Variants in TBCE observed in about 807,000 individuals in gnomAD.
The protein encoded by TBCE is tubulin folding cofactor E, also known as tubulin-specific chaperone E.
In TBCE, 53 loss-of-function variants were observed where a neutral mutation model predicts 77.0. The observed-to-expected ratio is 0.69, with a 90% CI of 0.55 to 0.87. The LOEUF (loss-of-function observed/expected upper bound fraction) is 0.87. Among genes scored for constraint, TBCE ranks in the 40% least tolerant of loss-of-function variants. TBCE has a pLI of 0.00. For synonymous variants in TBCE, 235 were observed against 241.3 expected (o/e 0.97, Z 0.24); for missense variants, 624 against 622.4 (o/e 1.00, Z -0.03).
chr1:235,382,928 CTAGGGTTTTTATGGTTT>C (rs1677770335), intron 2 of TBCE, among the ~76,000 whole-genome samples: 1 of 150,526 alleles, frequency 6.6e-6, no homozygotes, highest in African/African-American at 2.4e-5. Flanking sequence ...AGGTTTTCTT[CTAGGGTTTTTATGGTTT>C]TAGGTCTAAC....
rs185011453 is a variant in TBCE at position 235,418,198 on chromosome 1, C to T, written c.372-1275C>T. On this transcript the variant is annotated intron_variant, in intron 4 of 16. Transcript: ENST00000642610. ...TTTTTTTTAAGTTCGCACAATATTG[C>T]ATTGTATATGTGTGCCACGTTTTGT... Among the ~76,000 whole-genome samples the T allele has an allele frequency of 1.1e-3, 169 of 152,276 alleles. 2 individuals are homozygous for T. The highest frequency in any genetic ancestry group is 3.8e-3 in the African/African-American group (156 of 41,552).
In TBCE at chr1:235,418,310, C is replaced by T. The variant is rs141424990; in HGVS notation, c.372-1163C>T. Among the ~76,000 whole-genome samples the T allele has an allele frequency of 3.9e-4, 60 of 152,296 alleles. No homozygotes were observed. In the East Asian group the frequency reaches 0.01, roughly 26 times the overall value. ...TGCTGCTGTGAACTTGTGCATATAC[C>T]GTGGCCTTTTAGAGATGTGAAGTCT... On this transcript the variant is annotated intron_variant, in intron 4 of 16. Coordinates refer to ENST00000642610, the MANE Select transcript of TBCE (RefSeq NM_003193.5).
At chr1:235,396,954 G>GTTTC (rs1553333556) in intron 2 of TBCE, among the ~76,000 whole-genome samples, 1 of 148,350 alleles carries the variant, frequency 6.7e-6, no homozygotes, top group Non-Finnish European at 1.5e-5. Context: ...TTTGTTGATT[G>GTTTC]TTTATTTATT....
intron 15 of TBCE, among the ~76,000 whole-genome samples, chr1:235,447,937 C>T (rs1041858201): frequency 3.3e-5 from 5 of 152,082 alleles, no homozygotes; most frequent in African/African-American, 4.8e-5. Flanking sequence ...TACAGCCAGG[C>T]GCTGGGCTCA....
At position 235,450,073 on chromosome 1, in the gene TBCE, TG is replaced by T; in HGVS notation, c.*1314del. 1 of 1,085,638 alleles carries T rather than the reference TG, an allele frequency of 9.2e-7. No individual in the cohort carries two copies. The highest frequency in any genetic ancestry group is 1.6e-5 in the African/African-American group (1 of 64,090). 67.3% of individuals were successfully genotyped at this position (1,085,638 alleles called of 1,614,324 possible). A position where few individuals can be genotyped will look rare whatever the true frequency, so the allele number is the denominator to read the frequency against. On this transcript the variant is annotated 3_prime_UTR_variant, in exon 17 of 17. Transcript: ENST00000642610. Reference sequence around the variant, plus strand: ...ACATTAAGAAACACCGCATTGGTTCTGGGTGAAAGTGCCAGTCTGGAACTCT... The same window carrying T: ...ACATTAAGAAACACCGCATTGGTTCTGGTGAAAGTGCCAGTCTGGAACTCT...
At chr1:235,447,736 T>C (rs1174983147) in intron 15 of TBCE, among the ~76,000 whole-genome samples, 1 of 152,204 alleles carries the variant, frequency 6.6e-6, no homozygotes, top group Non-Finnish European at 1.5e-5. Flanking sequence ...TCTTCTGTGC[T>C]GAGAGTATCA....
Position 235,448,312 on chromosome 1 carries a change from T to C in TBCE, c.1400-37T>C, listed in dbSNP as rs779529741. ...AGCTAGTTTTACAGGTAACTGTCAT[T>C]TGAGAGAACGAATGGACTTTTCTTG... On this transcript the variant is annotated intron_variant, in intron 15 of 16. Coordinates refer to ENST00000642610, the MANE Select transcript of TBCE (RefSeq NM_003193.5). 7.6e-6 allele frequency: 12 copies of C among 1,574,268 alleles called. No individual in the cohort carries two copies. The African/African-American group carries it at 1.3e-4, about 18-fold the overall frequency.
At chr1:235,378,269 G>T (rs954124741) in intron 1 of TBCE, among the ~76,000 whole-genome samples, 3 of 152,140 alleles carry the variant, frequency 2.0e-5, no homozygotes, top group Non-Finnish European at 4.4e-5. Context: ...TGCCTAGGCT[G>T]GAGCAGAGTG....
intron 15 of TBCE, among the ~76,000 whole-genome samples, chr1:235,447,299 A>ATGTT (rs1166351331): frequency 2.0e-5 from 3 of 152,256 alleles, no homozygotes; most frequent in Non-Finnish European, 4.4e-5. Context: ...ATAGAAAAAT[A>ATGTT]TGTTTGAATA....
At chr1:235,391,999 C>G (rs1016495643) in intron 2 of TBCE, among the ~76,000 whole-genome samples, 1 of 151,580 alleles carries the variant, frequency 6.6e-6, no homozygotes, top group South Asian at 2.1e-4. Flanking sequence ...AAAAAAAATA[C>G]GTTTTCTTAC....
chr1:235,440,120 A>G lies in TBCE; in HGVS notation c.1270+1198A>G, dbSNP rs542480808. Among the ~76,000 whole-genome samples the G allele has an allele frequency of 5.9e-3, 903 of 151,952 alleles. 7 individuals are homozygous for G. The highest frequency in any genetic ancestry group is 0.01 in the South Asian group (50 of 4,814). Reference sequence around the variant, plus strand: ...CGAGTGGCTGGGACTACAGGCGCCCACCACCACACCCGGCTAATTTTTTGT... The same window carrying G: ...CGAGTGGCTGGGACTACAGGCGCCCGCCACCACACCCGGCTAATTTTTTGT... On this transcript the variant is annotated intron_variant, in intron 13 of 16. Coordinates refer to ENST00000642610, the MANE Select transcript of TBCE (RefSeq NM_003193.5).
intron 3 of TBCE, among the ~76,000 whole-genome samples, 190 bp downstream of exon 3, chr1:235,401,777 T>TA (rs1418093486): frequency 6.6e-6 from 1 of 151,124 alleles, no homozygotes; most frequent in East Asian, 1.9e-4. Context: ...TTCCCTTTTT[T>TA]AAAAAAATTC....
chr1:235,392,178 T>C (rs2102838090), intron 2 of TBCE, among the ~76,000 whole-genome samples: 1 of 151,080 alleles, frequency 6.6e-6, no homozygotes, highest in African/African-American at 2.4e-5. Context: ...AATAAATAAA[T>C]AAATAAGTAC....
chr1:235,414,961 G>A, intron 4 of TBCE: 1 of 345,852 alleles, frequency 2.9e-6, no homozygotes, highest in Non-Finnish European at 5.6e-6. Flanking sequence ...AATGGAAACA[G>A]CAGTCTGAAT....
chr1:235,432,954 G>A (rs754959869), intron 7 of TBCE: 28 of 1,393,036 alleles, frequency 2.0e-5, no homozygotes, highest in East Asian at 2.9e-5. Flanking sequence ...AGGCTCATGC[G>A]CAGTGTGGTG....
At chr1:235,379,977 A>G (rs1039952778) in intron 1 of TBCE, 42 bp from the exon 2 acceptor site, 9 of 1,222,680 alleles carry the variant, frequency 7.4e-6, no homozygotes, top group African/African-American at 6.1e-5. Flanking sequence ...CCTTTAAAGG[A>G]ATTGTATTAA....
Position 235,449,154 on chromosome 1 carries a change from T to C in TBCE, c.*392T>C. On this transcript the variant is annotated 3_prime_UTR_variant, in exon 17 of 17. Coordinates refer to ENST00000642610, the MANE Select transcript of TBCE (RefSeq NM_003193.5). ...TACTATTTTAAAGGGTTACTAGAAA[T>C]GATTTGGTTGGTCATTTTGGGAAAT... 1 of 248,638 alleles carries C rather than the reference T, an allele frequency of 4.0e-6. No homozygotes were observed. The highest frequency in any genetic ancestry group is 4.9e-5 in the South Asian group (1 of 20,470). The allele number at this position is 248,638 out of a possible 1,614,324, so 15.4% of individuals were successfully genotyped here.
chr1:235,427,179 C>T lies in TBCE; in HGVS notation c.500C>T (p.Ser167Leu). 1 of 1,614,054 alleles carries T rather than the reference C, an allele frequency of 6.2e-7. No homozygotes were observed. The highest frequency in any genetic ancestry group is 1.7e-5 in the Admixed American group (1 of 60,018). Residue 167 changes from serine to leucine, a missense_variant, in exon 6 of 17, where the codon TCA becomes TTA. Ser to Leu is a moderately radical substitution (Grantham distance 145, BLOSUM62 -2). Coordinates refer to ENST00000642610, the MANE Select transcript of TBCE (RefSeq NM_003193.5). ...KVDLSKNLLS[S>L]WDEVIHIADQ... is the part of the protein sequence containing the mutation. ...GATTTGTCAAAAAACCTGTTGTCAT[C>T]ATGGGATGAAGTGATACACATTGCT...
At chr1:235,387,735 T>A in intron 2 of TBCE, among the ~76,000 whole-genome samples, 1 of 152,194 alleles carries the variant, frequency 6.6e-6, no homozygotes, top group Admixed American at 6.6e-5. Flanking sequence ...GGGAACTCCC[T>A]GACCCCTTGC....
Sources: gnomAD v4.1 joint callset for allele counts (sites outside exome capture counted in the v4.1 genomes callset) on GRCh38, gnomAD v4.1.1 for gene constraint, MANE v1.5 for transcripts, NCBI Gene and HGNC (gene_info 2026-07-23, HGNC 2026-07-21) for gene names.